Variants in MOXD1 observed in about 807,000 individuals in gnomAD.
The protein encoded by MOXD1 is monooxygenase DBH like 1.
A neutral mutation model predicts 66.6 loss-of-function variants in MOXD1; 62 were observed. The observed-to-expected ratio is 0.93, with a 90% CI of 0.76 to 1.15. The LOEUF is 1.15. MOXD1 is among the 50% of genes most tolerant of loss of function. The pLI, the probability that MOXD1 is intolerant of heterozygous loss-of-function variation, is 0.00. For missense variants in MOXD1, 847 were observed against 754.6 expected (o/e 1.12, Z -1.44); for synonymous variants, 303 against 281.9 (o/e 1.07, Z -0.75).
At chr6:132,319,134 C>G (rs988559720) in intron 9 of MOXD1, among the ~76,000 whole-genome samples, 1 of 151,820 alleles carries the variant, frequency 6.6e-6, no homozygotes, top group Admixed American at 6.6e-5. Flanking sequence ...TATTTTTAAC[C>G]TTTTGCTCTT....
At position 132,329,858 on chromosome 6, in the gene MOXD1, A is replaced by G. The variant is rs116510316; in HGVS notation, c.664-1264T>C. 2.2e-3 allele frequency among the ~76,000 whole-genome samples: 329 copies of G among 152,096 alleles called. 2 individuals are homozygous for G. Among genetic ancestry groups the G allele is most frequent in the African/African-American group, 7.6e-3 (316 of 41,464 alleles). On this transcript the variant is annotated intron_variant, in intron 4 of 11. Transcript: ENST00000367963. ...ATTTTATTATTAGAATTTGGAAGAG[A>G]AAAAAAACATTGTTAGCTATGTGCG...
chr6:132,338,396 G>A (rs2114602769), intron 4 of MOXD1, among the ~76,000 whole-genome samples: 1 of 152,268 alleles, frequency 6.6e-6, no homozygotes, highest in African/African-American at 2.4e-5. Context: ...TTCCTCGGAG[G>A]ACTACCTTGC....
intron 4 of MOXD1, among the ~76,000 whole-genome samples, chr6:132,362,943 C>T (rs957493533): frequency 1.2e-4 from 19 of 152,148 alleles, no homozygotes; most frequent in Non-Finnish European, 2.2e-4. Context: ...AATGAAACTT[C>T]GTATGTGTCA....
At chr6:132,300,449 A>C (rs977839913) in intron 10 of MOXD1, among the ~76,000 whole-genome samples, 1 of 152,202 alleles carries the variant, frequency 6.6e-6, no homozygotes, top group Non-Finnish European at 1.5e-5. Context: ...TAATTTGAAA[A>C]AGAGAAAATC....
intron 9 of MOXD1, among the ~76,000 whole-genome samples, chr6:132,316,069 G>A (rs1296638608): frequency 6.6e-6 from 1 of 152,126 alleles, no homozygotes; most frequent in Non-Finnish European, 1.5e-5. Flanking sequence ...TGTTTGGTTA[G>A]CATAATACCA....
At chr6:132,368,298 T>C (rs1776185818) in intron 4 of MOXD1, among the ~76,000 whole-genome samples, 1 of 152,100 alleles carries the variant, frequency 6.6e-6, no homozygotes, top group African/African-American at 2.4e-5. Context: ...AAAAGAGTCA[T>C]GCTGAAATAT....
chr6:132,383,184 T>G (rs1776545581), intron 1 of MOXD1, among the ~76,000 whole-genome samples: 1 of 152,186 alleles, frequency 6.6e-6, no homozygotes, highest in Non-Finnish European at 1.5e-5. Context: ...ACAATAAGTG[T>G]TATGGTGGTT....
At chr6:132,304,893 CT>C (rs887066550) in intron 10 of MOXD1, among the ~76,000 whole-genome samples, 1 of 152,130 alleles carries the variant, frequency 6.6e-6, no homozygotes, top group African/African-American at 2.4e-5. Flanking sequence ...TTACACATCA[CT>C]GGTAAGAATG....
chr6:132,373,829 T>A lies in MOXD1; in HGVS notation c.411+802A>T, dbSNP rs530555516. Among the ~76,000 whole-genome samples, 4 of 152,326 alleles carry A rather than the reference T, an allele frequency of 2.6e-5. No homozygotes were observed. The South Asian group carries it at 8.3e-4, about 32-fold the overall frequency. On this transcript the variant is annotated intron_variant, in intron 2 of 11. Coordinates refer to ENST00000367963, the MANE Select transcript of MOXD1 (RefSeq NM_015529.4). ...TAAATGTTCTCTTTGCTATATTCTT[T>A]CTTAATAAGTCAAATGACTATAATT...
Position 132,323,939 on chromosome 6 carries a change from GGC to G in MOXD1, c.1103_1104del (p.Cys368SerfsTer46). The G allele has an allele frequency of 6.2e-7, 1 of 1,607,256 alleles. No individual in the cohort carries two copies. The highest frequency in any genetic ancestry group is 1.1e-5 in the South Asian group (1 of 89,594). On this transcript the variant is annotated frameshift_variant, in exon 7 of 12. Transcript: ENST00000367963. LOFTEE classifies it high-confidence loss of function. Reference protein sequence around the residue: ...FQSEGHCTLECLEEALEAEKP... With the variant: ...FQSEGHCTLEXLEEALEAEKP... ...ACTCAGATGCTGCATACCTCTTCCAGGCACTCCAAAGTGCAGTGACCCTCAGA... is the reference window on the plus strand; with the variant it reads ...ACTCAGATGCTGCATACCTCTTCCAGACTCCAAAGTGCAGTGACCCTCAGA...
chr6:132,313,984 C>G (rs778490873), intron 10 of MOXD1, among the ~76,000 whole-genome samples: 20 of 152,086 alleles, frequency 1.3e-4, no homozygotes, highest in Non-Finnish European at 2.1e-4. Flanking sequence ...ATAATTACGT[C>G]AGTCCCTTTC....
intron 10 of MOXD1, among the ~76,000 whole-genome samples, chr6:132,309,709 C>T (rs1485637687): frequency 6.6e-6 from 1 of 152,042 alleles, no homozygotes; most frequent in Non-Finnish European, 1.5e-5. Flanking sequence ...TAACACCACA[C>T]ATCTACAACC....
chr6:132,327,906 A>G lies in MOXD1; in HGVS notation c.946+107T>C, dbSNP rs574550085. The G allele has an allele frequency of 3.4e-4, 282 of 819,610 alleles. No individual in the cohort carries two copies. In the African/African-American group the frequency reaches 4.1e-3, roughly 12 times the overall value. 50.8% of individuals were successfully genotyped at this position (819,610 alleles called of 1,614,324 possible). ...ATTTGAATGACAAATATATAGGTTA[A>G]TTCCTTCTAACACTGGCTGCTATTT... On this transcript the variant is annotated intron_variant, in intron 6 of 11. Transcript: ENST00000367963.
At chr6:132,394,192 A>G (rs1475291479) in intron 1 of MOXD1, among the ~76,000 whole-genome samples, 1 of 152,220 alleles carries the variant, frequency 6.6e-6, no homozygotes. Context: ...AGGAAATCAC[A>G]GACACCACTG....
At chr6:132,381,514 G>T (rs942501432) in intron 1 of MOXD1, among the ~76,000 whole-genome samples, 3 of 151,370 alleles carry the variant, frequency 2.0e-5, no homozygotes, top group Admixed American at 6.6e-5. Flanking sequence ...CCTAGAGGAT[G>T]AAAAGCCGAA....
At chr6:132,386,934 T>G (rs1289583575) in intron 1 of MOXD1, among the ~76,000 whole-genome samples, 1 of 151,370 alleles carries the variant, frequency 6.6e-6, no homozygotes, top group Non-Finnish European at 1.5e-5. Context: ...CCACCTTTCC[T>G]GAGCAAGACT....
At chr6:132,360,994 A>G (rs1776007815) in intron 4 of MOXD1, among the ~76,000 whole-genome samples, 1 of 152,224 alleles carries the variant, frequency 6.6e-6, no homozygotes, top group African/African-American at 2.4e-5. Context: ...CATTATTAAC[A>G]GTTACTTACA....
In MOXD1 at chr6:132,401,191, C is replaced by T; in HGVS notation, c.236G>A (p.Gly79Glu). Residue 79 changes from glycine (G) to glutamate (E), a missense_variant, in exon 1 of 12, where the codon GGG (glycine) becomes GAG (glutamate). Physicochemically the swap from Gly to Glu is moderately conservative, Grantham distance 98 (BLOSUM62 -2). Coordinates refer to ENST00000367963, the MANE Select transcript of MOXD1 (RefSeq NM_015529.4). ...GAGGTAGGGCCGCCCGTGGGCCACC[C>T]CGCCCACGACGATGTCGGCGGACGC... Reference protein sequence around the residue: ...AMASADIVVGGVAHGRPYLQD... With the variant: ...AMASADIVVGEVAHGRPYLQD... 6.5e-7 allele frequency: 1 copy of T among 1,545,042 alleles called. No homozygotes were observed. Among genetic ancestry groups the T allele is most frequent in the Non-Finnish European group, 8.7e-7 (1 of 1,153,436 alleles).
chr6:132,380,823 A>G (rs896927926), intron 1 of MOXD1, among the ~76,000 whole-genome samples: 5 of 152,214 alleles, frequency 3.3e-5, no homozygotes, highest in South Asian at 2.1e-4. Context: ...GTTTAACCAG[A>G]TGCTAGAATG....
Sources: gnomAD v4.1 joint callset for allele counts (sites outside exome capture counted in the v4.1 genomes callset) on GRCh38, gnomAD v4.1.1 for gene constraint, MANE v1.5 for transcripts, NCBI Gene and HGNC (gene_info 2026-07-23, HGNC 2026-07-21) for gene names.